Variants in RPSA2 observed in about 807,000 individuals in gnomAD.
RPSA2 encodes small ribosomal subunit protein uS2B.
At chr19:23,833,322 A>G in the RPSA2 span, 1 of 519,930 alleles carries the variant, frequency 1.9e-6, no homozygotes, top group Admixed American at 5.2e-5. Flanking sequence ...TAATGTGTCA[A>G]AGCCTATAAA....
At chr19:23,812,071 T>A in the RPSA2 span, among the ~76,000 whole-genome samples, 1 of 152,202 alleles carries the variant, frequency 6.6e-6, no homozygotes, top group Non-Finnish European at 1.5e-5. Flanking sequence ...AAATTATTTG[T>A]TAATGTACAT....
chr19:23,793,568 T>C, the RPSA2 span, among the ~76,000 whole-genome samples: 1 of 151,866 alleles, frequency 6.6e-6, no homozygotes. Context: ...CAATCTTCTT[T>C]TTTTTTTTCT....
At chr19:23,795,911 A>G in the RPSA2 span, among the ~76,000 whole-genome samples, 1 of 152,036 alleles carries the variant, frequency 6.6e-6, no homozygotes, top group South Asian at 2.1e-4. Flanking sequence ...AGTAATTGGG[A>G]TTACAGGCAC....
the RPSA2 span, among the ~76,000 whole-genome samples, chr19:23,865,301 A>T: frequency 3.3e-5 from 5 of 152,310 alleles, no homozygotes; most frequent in African/African-American, 1.2e-4. Context: ...AACAGTCTGG[A>T]TCTCAAGTTA....
chr19:23,802,139 T>G, the RPSA2 span, among the ~76,000 whole-genome samples: 1 of 152,190 alleles, frequency 6.6e-6, no homozygotes, highest in East Asian at 1.9e-4. Flanking sequence ...ATCCCTCCTT[T>G]GAGAGTGTGA....
chr19:23,786,818 C>G, the RPSA2 span, among the ~76,000 whole-genome samples: 1 of 152,034 alleles, frequency 6.6e-6, no homozygotes, highest in Non-Finnish European at 1.5e-5. Flanking sequence ...AACTCAACAC[C>G]TAAGGGATGA....
chr19:23,781,194 C>T, the RPSA2 span, among the ~76,000 whole-genome samples: 5 of 152,284 alleles, frequency 3.3e-5, no homozygotes, highest in Middle Eastern at 3.4e-3. Context: ...AGACTGGTCT[C>T]GAACTCCTGA....
At chr19:23,770,438 C>T in the RPSA2 span, among the ~76,000 whole-genome samples, 1 of 152,234 alleles carries the variant, frequency 6.6e-6, no homozygotes, top group Admixed American at 6.5e-5. Context: ...TTTCCATCAC[C>T]TAGGTGATGT....
At chr19:23,780,042 C>T in the RPSA2 span, among the ~76,000 whole-genome samples, 3 of 152,128 alleles carry the variant, frequency 2.0e-5, no homozygotes, top group East Asian at 5.8e-4. Context: ...CAGCCCAGCT[C>T]ACAGGTCTGA....
the RPSA2 span, among the ~76,000 whole-genome samples, chr19:23,866,075 G>A: frequency 6.6e-6 from 1 of 152,196 alleles, no homozygotes; most frequent in Non-Finnish European, 1.5e-5. Flanking sequence ...AAATGTTGAT[G>A]AGCTGTGGCC....
chr19:23,785,185 G>A, the RPSA2 span, among the ~76,000 whole-genome samples: 1 of 152,158 alleles, frequency 6.6e-6, no homozygotes, highest in Non-Finnish European at 1.5e-5. Context: ...ATATGGCTGG[G>A]CTTTCCACTT....
the RPSA2 span, among the ~76,000 whole-genome samples, chr19:23,860,989 C>A: frequency 2.1e-5 from 3 of 144,104 alleles, no homozygotes; most frequent in South Asian, 7.1e-4. Flanking sequence ...CTCTCACTGT[C>A]CTCCAGTACA....
the RPSA2 span, among the ~76,000 whole-genome samples, chr19:23,791,608 C>T: frequency 6.6e-6 from 1 of 152,202 alleles, no homozygotes; most frequent in Non-Finnish European, 1.5e-5. Flanking sequence ...CAGCCTAACT[C>T]TGGCTTACAG....
At chr19:23,789,825 G>GGGAC in the RPSA2 span, among the ~76,000 whole-genome samples, 1 of 150,842 alleles carries the variant, frequency 6.6e-6, no homozygotes, top group Non-Finnish European at 1.5e-5. Context: ...CTACAGGCAT[G>GGGAC]TACCAGGAAG....
At chr19:23,793,252 A>G in the RPSA2 span, among the ~76,000 whole-genome samples, 3 of 150,520 alleles carry the variant, frequency 2.0e-5, no homozygotes, top group Admixed American at 6.6e-5. Flanking sequence ...TTCCTGGAGA[A>G]CACAAAGGAT....
At chr19:23,827,741 C>T in the RPSA2 span, 31 of 1,575,054 alleles carry the variant, frequency 2.0e-5, 1 homozygote, top group South Asian at 2.6e-4. Context: ...CCGTGAACAC[C>T]CATGGGAGGT....
chr19:23,769,149 A>G, the RPSA2 span, among the ~76,000 whole-genome samples: 1 of 152,312 alleles, frequency 6.6e-6, no homozygotes, highest in Non-Finnish European at 1.5e-5. Context: ...ACCTGTCCAC[A>G]GTGGGGATTG....
At chr19:23,782,881 T>A in the RPSA2 span, among the ~76,000 whole-genome samples, 5 of 152,110 alleles carry the variant, frequency 3.3e-5, no homozygotes, top group African/African-American at 1.2e-4. Flanking sequence ...TCTAGGCTTC[T>A]CACCTAGGTA....
chr19:23,849,284 T>G, the RPSA2 span, among the ~76,000 whole-genome samples: 2 of 152,000 alleles, frequency 1.3e-5, no homozygotes, highest in East Asian at 3.9e-4. Context: ...ATGCCCGATG[T>G]TCTCCACCAT....
Sources: allele counts gnomAD v4.1 joint callset (sites outside exome capture counted in the v4.1 genomes callset), GRCh38; gene constraint gnomAD v4.1.1; transcripts MANE v1.5; gene names NCBI Gene and HGNC (gene_info 2026-07-23, HGNC 2026-07-21).